The following EPHA7 variants were observed in gnomAD, a reference collection of about 807,000 sequenced individuals.
EPHA7 encodes ephrin type-A receptor 7.
In EPHA7, 25 loss-of-function variants were observed where a neutral mutation model predicts 112.6. The observed-to-expected ratio is 0.22, with a 90% CI of 0.16 to 0.31. The LOEUF (loss-of-function observed/expected upper bound fraction) is 0.31, where lower values mean the gene tolerates loss of function less well. Ranked by LOEUF, EPHA7 falls within the 10% of genes least tolerant of loss-of-function variation. EPHA7 has a pLI of 1.00. For missense variants in EPHA7, 962 were observed against 1,212.6 expected (o/e 0.79, Z 3.07); for synonymous variants, 437 against 406.5 (o/e 1.07, Z -0.90).
intron 5 of EPHA7, among the ~76,000 whole-genome samples, chr6:93,354,956 G>T (rs1430995625): frequency 6.6e-6 from 1 of 152,042 alleles, no homozygotes; most frequent in Non-Finnish European, 1.5e-5. Flanking sequence ...TAACTTAGTA[G>T]AACCAAGTTT....
Position 93,269,558 on chromosome 6 carries a change from A to C in EPHA7, c.1552T>G (p.Phe518Val), listed in dbSNP as rs1264422608. 2 of 1,610,856 alleles carry C rather than the reference A, an allele frequency of 1.2e-6. No individual in the cohort carries two copies. The highest frequency in any genetic ancestry group is 1.7e-6 in the Non-Finnish European group (2 of 1,178,198). ...GTVYVFQIRA[F>V]TAAGYGNYSP... ...TAATTTCCATAACCAGCAGCAGTAA[A>C]AGCCCGAATCTGGAAAACATACACT... The change falls in exon 7 of 17, where the codon TTT (phenylalanine) becomes GTT (valine). Residue 518 changes from phenylalanine to valine, a missense_variant. Phe to Val is a conservative substitution (Grantham distance 50). Transcript: ENST00000369303.
At chr6:93,387,920 T>TAGACAGACAGACAGAC (rs59997610) in intron 3 of EPHA7, among the ~76,000 whole-genome samples, 8 of 127,746 alleles carry the variant, frequency 6.3e-5, no homozygotes, top group African/African-American at 1.2e-4. Context: ...CTTAGATAGA[T>TAGACAGACAGACAGAC]AGACAGATAG....
chr6:93,333,547 T>C (rs1172688132), intron 5 of EPHA7, among the ~76,000 whole-genome samples: 2 of 151,944 alleles, frequency 1.3e-5, no homozygotes, highest in East Asian at 3.9e-4. Flanking sequence ...GCATCTGTTA[T>C]TTTTTGAGTT....
chr6:93,418,656 G>T (rs1005673345), intron 1 of EPHA7, among the ~76,000 whole-genome samples: 1 of 152,170 alleles, frequency 6.6e-6, no homozygotes, highest in South Asian at 2.1e-4. Context: ...TTATTGTTCC[G>T]TGCTGGCGGC....
In EPHA7 at chr6:93,410,276, AT is replaced by A; in HGVS notation, c.832+224del. 1 of 535,470 alleles carries A rather than the reference AT, an allele frequency of 1.9e-6. No individual in the cohort carries two copies. The allele number at this position is 535,470 out of a possible 1,614,324, so 33.2% of individuals were successfully genotyped here. ...CCATGTTAAGCATAGGACACATTAA[AT>A]TTTAGTAACAAATTTCATTATCACC... On this transcript the variant is annotated intron_variant, in intron 3 of 16. Transcript: ENST00000369303. This position sits in a 1 kb window ranked among gnomAD's most constrained non-coding sequence, Gnocchi z 4.0.
At chr6:93,395,865 C>G (rs534833554) in intron 3 of EPHA7, among the ~76,000 whole-genome samples, 3 of 151,802 alleles carry the variant, frequency 2.0e-5, no homozygotes, top group African/African-American at 7.2e-5. Context: ...TAGTTTGGGT[C>G]TCTTTCTATC....
At chr6:93,297,847 CAT>C in intron 5 of EPHA7, among the ~76,000 whole-genome samples, 1 of 152,208 alleles carries the variant, frequency 6.6e-6, no homozygotes, top group South Asian at 2.1e-4. Context: ...TCTACTTCAG[CAT>C]ATATCTCTCT....
At chr6:93,372,581 G>A (rs183072425) in intron 3 of EPHA7, among the ~76,000 whole-genome samples, 16 of 152,192 alleles carry the variant, frequency 1.1e-4, no homozygotes, top group Admixed American at 9.2e-4. Flanking sequence ...ATTTCACAAA[G>A]TTAGAATTTA....
Position 93,246,196 on chromosome 6 carries a change from C to T in EPHA7, c.2726+596G>A, listed in dbSNP as rs561657565. ...CCTCCCAAGTAGCTGAGATTACAGG[C>T]GCCCGCCACCACGCCCAGCTAATTT... On this transcript the variant is annotated intron_variant, in intron 15 of 16. Coordinates refer to ENST00000369303, the MANE Select transcript of EPHA7 (RefSeq NM_004440.4). Among the ~76,000 whole-genome samples, 299 of 151,962 alleles carry T rather than the reference C, an allele frequency of 2.0e-3. 2 individuals carry two copies. The highest frequency in any genetic ancestry group is 6.7e-3 in the African/African-American group (278 of 41,434).
Position 93,411,135 on chromosome 6 carries a change from G to T in EPHA7, c.198C>A (p.Thr66=), listed in dbSNP as rs201361951. 5 of 1,613,306 alleles carry T rather than the reference G, an allele frequency of 3.1e-6. No homozygotes were observed. The highest frequency in any genetic ancestry group is 4.2e-6 in the Non-Finnish European group (5 of 1,179,824). The change falls in exon 3 of 17, where the codon ACC becomes ACA. Residue 66 remains threonine (T), a synonymous_variant. Transcript: ENST00000369303. ...EEISGLDENY[T]PIRTYQVCQV... is the part of the protein sequence containing the mutation. ...GGCACACCTGGTATGTTCGTATCGG[G>T]GTATAGTTCTCATCCAAACCACTAA...
chr6:93,416,218 T>C (rs1425444642), intron 1 of EPHA7, among the ~76,000 whole-genome samples: 2 of 152,238 alleles, frequency 1.3e-5, no homozygotes, highest in Non-Finnish European at 2.9e-5. Context: ...AGCGAATTTA[T>C]ATAAAAAGTA....
chr6:93,264,527 T>C (rs2127868861), intron 8 of EPHA7, 67 bp downstream of exon 8: 4 of 993,716 alleles, frequency 4.0e-6, no homozygotes, highest in East Asian at 5.1e-5. Flanking sequence ...CACTAAGTAA[T>C]AGGCTGACAT....
chr6:93,374,327 T>C (rs563309897), intron 3 of EPHA7, among the ~76,000 whole-genome samples: 3 of 152,284 alleles, frequency 2.0e-5, no homozygotes, highest in Admixed American at 6.5e-5. Flanking sequence ...TATGAATTTA[T>C]ATACATAGAC....
At chr6:93,303,505 A>G (rs1773098958) in intron 5 of EPHA7, among the ~76,000 whole-genome samples, 1 of 152,154 alleles carries the variant, frequency 6.6e-6, no homozygotes, top group South Asian at 2.1e-4. Context: ...CTGGATGTAG[A>G]GATGGGAATG....
intron 1 of EPHA7, among the ~76,000 whole-genome samples, chr6:93,417,294 G>C (rs1176373306): frequency 6.6e-6 from 1 of 152,128 alleles, no homozygotes; most frequent in Non-Finnish European, 1.5e-5. Context: ...TAGCCCTTGG[G>C]TACTGCGGGC....
At chr6:93,312,750 G>A (rs1562089414) in intron 5 of EPHA7, among the ~76,000 whole-genome samples, 1 of 152,138 alleles carries the variant, frequency 6.6e-6, no homozygotes, top group Non-Finnish European at 1.5e-5. Flanking sequence ...TCCTCACTGA[G>A]TTTAATTATT....
chr6:93,347,896 C>A (rs1000665964), intron 5 of EPHA7, among the ~76,000 whole-genome samples: 2 of 151,564 alleles, frequency 1.3e-5, no homozygotes, highest in African/African-American at 2.4e-5. Flanking sequence ...TCTTGTTTCC[C>A]AAGTATGTAA....
chr6:93,405,505 T>C (rs2127991316), intron 3 of EPHA7, among the ~76,000 whole-genome samples: 1 of 151,936 alleles, frequency 6.6e-6, no homozygotes, highest in African/African-American at 2.4e-5. Context: ...GTTTCTTTAC[T>C]TAGCAAATTC....
chr6:93,341,806 G>A (rs1382758969), intron 5 of EPHA7, among the ~76,000 whole-genome samples: 2 of 151,750 alleles, frequency 1.3e-5, no homozygotes, highest in African/African-American at 4.8e-5. Context: ...AGTGAAAGGT[G>A]ACTCAATTTT....
Sources: gnomAD v4.1 joint callset for allele counts (sites outside exome capture counted in the v4.1 genomes callset) on GRCh38, gnomAD v4.1.1 for gene constraint, Gnocchi (gnomAD v3.1) non-coding constraint, MANE v1.5 for transcripts, NCBI Gene and HGNC (gene_info 2026-07-23, HGNC 2026-07-21) for gene names.